Variants in RBM23 observed in about 807,000 individuals in gnomAD.
The protein encoded by RBM23 is probable RNA-binding protein 23.
In RBM23, 53 loss-of-function variants were observed where a neutral mutation model predicts 56.2. The ratio of observed to expected loss-of-function variants is 0.94; its 90% CI spans 0.76 to 1.19. RBM23 has a LOEUF of 1.19. Ranked by LOEUF, RBM23 falls within the 50% of genes most tolerant of loss-of-function variation. The pLI, the probability that RBM23 is intolerant of heterozygous loss-of-function variation, is 0.00. For missense variants in RBM23, 642 were observed against 590.3 expected (o/e 1.09, Z -0.91); for synonymous variants, 197 against 198.5 (o/e 0.99, Z 0.06).
intron 10 of RBM23, chr14:22,903,032 T>A: frequency 1.0e-6 from 1 of 970,180 alleles, no homozygotes; most frequent in Non-Finnish European, 1.2e-6. Flanking sequence ...TTCACCCACC[T>A]TGGCCTCCCA....
At chr14:22,914,367 C>T (rs532301537) in intron 1 of RBM23, among the ~76,000 whole-genome samples, 5 of 151,182 alleles carry the variant, frequency 3.3e-5, no homozygotes, top group African/African-American at 7.3e-5. Context: ...TGGCAAGCAC[C>T]TGTAATCCCA....
chr14:22,908,362 G>A lies in RBM23; in HGVS notation c.198C>T (p.Ser66=). 1 of 1,548,786 alleles carries A rather than the reference G, an allele frequency of 6.5e-7. No individual in the cohort carries two copies. Among genetic ancestry groups the A allele is most frequent in the Admixed American group, 2.0e-5 (1 of 50,922 alleles). Residue 66 remains serine, a synonymous_variant, in exon 4 of 14, where the codon AGC becomes AGT. Coordinates refer to ENST00000359890, the MANE Select transcript of RBM23 (RefSeq NM_001077351.2). ...GCTTTCTATCCCTGCTTTTATTATG[G>A]CTCCGACTCCTCTTCTTCCTGTGAA... ...GETSKKKRSR[S]HNKSRDRKRS... is the part of the protein sequence containing the mutation.
chr14:22,906,465 G>C, intron 4 of RBM23, 97 bp from the exon 5 acceptor site: 18 of 1,400,662 alleles, frequency 1.3e-5, no homozygotes, highest in Non-Finnish European at 1.7e-5. Context: ...TAACGGTGCT[G>C]AGAAGTTCGT....
chr14:22,908,141 C>T (rs2041882157), intron 4 of RBM23, among the ~76,000 whole-genome samples, 192 bp downstream of exon 4: 1 of 152,154 alleles, frequency 6.6e-6, no homozygotes, highest in African/African-American at 2.4e-5. Flanking sequence ...CAGCCTTAGC[C>T]TCCCAAGTAG....
At chr14:22,911,685 G>A (rs2042553218) in intron 1 of RBM23, 1 of 177,946 alleles carries the variant, frequency 5.6e-6, no homozygotes, top group South Asian at 1.4e-4. Context: ...GGGCAAGGCA[G>A]GCAGATCACC....
rs2138862353 is a variant in RBM23, at chr14:22,900,033, G to A, written c.*1697C>T. 6.6e-6 allele frequency: 1 copy of A among 152,258 alleles called. No homozygotes were observed. The highest frequency in any genetic ancestry group is 2.4e-5 in the African/African-American group (1 of 41,544). 9.4% of individuals were successfully genotyped at this position (152,258 alleles called of 1,614,324 possible). The stretch of plus-strand genomic sequence containing the variant: ...CCACCCCCTTATTATTAAGGCAGTG[G>A]TAGGTGCACCTTCCCTTTCACAGAG... On this transcript the variant is annotated 3_prime_UTR_variant, in exon 14 of 14. Transcript: ENST00000359890.
chr14:22,894,409 C>T lies in RBM23; in HGVS notation c.*7321G>A, dbSNP rs2040214188. ...TTACAACTTGACTTTAAGCAGAGGA[C>T]CTGTGCTGATTTAAAATACTTACTC... On this transcript the variant is annotated 3_prime_UTR_variant, in exon 14 of 14. Transcript: ENST00000359890. 6.6e-6 allele frequency: 1 copy of T among 152,176 alleles called. No homozygotes were observed. Among genetic ancestry groups the T allele is most frequent in the Non-Finnish European group, 1.5e-5 (1 of 68,044 alleles). 9.4% of individuals were successfully genotyped at this position (152,176 alleles called of 1,614,324 possible).
intron 1 of RBM23, among the ~76,000 whole-genome samples, chr14:22,918,576 T>C (rs944588813): frequency 3.9e-5 from 6 of 152,140 alleles, no homozygotes; most frequent in Admixed American, 3.3e-4. Context: ...TTCGACAGAC[T>C]AGAGATTGAG....
In RBM23 at chr14:22,894,030, T is replaced by G. The variant is rs1409474135; in HGVS notation, c.*7700A>C. 2 of 152,192 alleles carry G rather than the reference T, an allele frequency of 1.3e-5. No individual in the cohort carries two copies. The highest frequency in any genetic ancestry group is 2.9e-5 in the Non-Finnish European group (2 of 68,046). The allele number at this position is 152,192 out of a possible 1,614,324, so 9.4% of individuals were successfully genotyped here. Reference sequence around the variant, plus strand: ...GAACTCAGCTATGCTATCCCAACTCTAAAATGAAGAATACCTACCTTATAG... The same window carrying G: ...GAACTCAGCTATGCTATCCCAACTCGAAAATGAAGAATACCTACCTTATAG... On this transcript the variant is annotated 3_prime_UTR_variant, in exon 14 of 14. Transcript: ENST00000359890.
rs1211244383 is a variant in RBM23 at position 22,899,657 on chromosome 14, T to G, written c.*2073A>C. 2 of 152,332 alleles carry G rather than the reference T, an allele frequency of 1.3e-5. No homozygotes were observed. Among genetic ancestry groups the G allele is most frequent in the Non-Finnish European group, 2.9e-5 (2 of 68,146 alleles). 9.4% of individuals were successfully genotyped at this position (152,332 alleles called of 1,614,324 possible). A position where few individuals can be genotyped will look rare whatever the true frequency, so the allele number is the denominator to read the frequency against. ...TCCCAAAGTGCTGGGATTACAGGCGTGAGCCAGTGCACCCAGCCTACACCT... is the reference window on the plus strand; with the variant it reads ...TCCCAAAGTGCTGGGATTACAGGCGGGAGCCAGTGCACCCAGCCTACACCT... On this transcript the variant is annotated 3_prime_UTR_variant, in exon 14 of 14. Transcript: ENST00000359890.
intron 2 of RBM23, 71 bp downstream of exon 2, chr14:22,911,250 TGTTGAAA>T (rs1188343410): frequency 1.7e-5 from 19 of 1,119,440 alleles, no homozygotes; most frequent in Non-Finnish European, 2.4e-5. Flanking sequence ...ATTCATAAAA[TGTTGAAA>T]GTTGAAAGTG....
At chr14:22,903,798 C>A in intron 10 of RBM23, 1 of 1,037,220 alleles carries the variant, frequency 9.6e-7, no homozygotes, top group Non-Finnish European at 1.2e-6. Flanking sequence ...TCACTATTCT[C>A]CCCATAGTGC....
At chr14:22,910,358 C>T (rs540980735) in intron 2 of RBM23, among the ~76,000 whole-genome samples, 1 of 139,092 alleles carries the variant, frequency 7.2e-6, no homozygotes, top group East Asian at 2.2e-4. Flanking sequence ...ACTTGGGAGG[C>T]AGGAGAATCG....
intron 2 of RBM23, 97 bp from the exon 3 acceptor site, chr14:22,909,692 AACCAC>A: frequency 1.1e-6 from 1 of 878,260 alleles, no homozygotes; most frequent in Non-Finnish European, 1.9e-6. Flanking sequence ...GAATAAATCA[AACCAC>A]TTGATTATCT....
chr14:22,902,549 C>G (rs2040748792), intron 10 of RBM23, 167 bp from the exon 11 acceptor site: 1 of 1,339,464 alleles, frequency 7.5e-7, no homozygotes, highest in African/African-American at 1.5e-5. Context: ...CAAAATGGTT[C>G]TCTGAAAAGG....
chr14:22,902,206 G>A lies in RBM23; in HGVS notation c.1107C>T (p.Leu369=), dbSNP rs768433466. Residue 369 remains leucine (L), a synonymous_variant, in exon 11 of 14, where the codon CTC becomes CTT. Coordinates refer to ENST00000359890, the MANE Select transcript of RBM23 (RefSeq NM_001077351.2). The part of the protein sequence containing the change: ...DLGSAGGRFQ[L]MAKLAEGAGI... ...TTTTACCTTCTGCCAGTTTTGCCAT[G>A]AGCTGAAAACGTCCACCTGCTGATC... The A allele has an allele frequency of 6.2e-7, 1 of 1,613,998 alleles. No homozygotes were observed. Among genetic ancestry groups the A allele is most frequent in the South Asian group, 1.1e-5 (1 of 91,078 alleles).
In RBM23 at chr14:22,905,262, A is replaced by T; in HGVS notation, c.574-16T>A. ...CATCGCGAACCTATCCAGGACGCAA[A>T]AGAAATCCTGAGTTAGGCATAAAGG... On this transcript the variant is annotated splice_polypyrimidine_tract_variant and intron_variant, in intron 7 of 13. Transcript: ENST00000359890. 1.2e-6 allele frequency: 2 copies of T among 1,614,060 alleles called. No homozygotes were observed. Among genetic ancestry groups the T allele is most frequent in the Middle Eastern group, 1.6e-4 (1 of 6,062 alleles).
intron 1 of RBM23, among the ~76,000 whole-genome samples, chr14:22,916,468 G>C (rs183939443): frequency 2.7e-5 from 4 of 149,654 alleles, no homozygotes; most frequent in African/African-American, 4.9e-5. Context: ...TAGAGACATG[G>C]TCTCACTATG....
chr14:22,918,560 T>C (rs1275931577), intron 1 of RBM23, among the ~76,000 whole-genome samples: 5 of 152,214 alleles, frequency 3.3e-5, no homozygotes, highest in African/African-American at 9.6e-5. Context: ...ATAGTGAACA[T>C]GAATCTTCGA....
Sources: allele counts gnomAD v4.1 joint callset (sites outside exome capture counted in the v4.1 genomes callset), GRCh38; gene constraint gnomAD v4.1.1; transcripts MANE v1.5; gene names NCBI Gene and HGNC (gene_info 2026-07-23, HGNC 2026-07-21).